Variants in THSD4 observed in about 807,000 individuals in gnomAD.
THSD4 encodes thrombospondin type-1 domain-containing protein 4.
Under a neutral mutation model 119.0 loss-of-function variants are expected in THSD4, and 69 were observed. The ratio of observed to expected loss-of-function variants is 0.58; its 90% CI spans 0.48 to 0.71. The LOEUF is 0.71. THSD4 is among the 30% of genes least tolerant of loss of function. The pLI, the probability that THSD4 is intolerant of heterozygous loss-of-function variation, is 0.00. For missense variants in THSD4, 1,393 were observed against 1,391.1 expected (o/e 1.00, Z -0.02); for synonymous variants, 524 against 540.4 (o/e 0.97, Z 0.42).
chr15:71,367,348 T>A (rs1375177006), intron 6 of THSD4, among the ~76,000 whole-genome samples: 2 of 152,230 alleles, frequency 1.3e-5, no homozygotes, highest in Non-Finnish European at 2.9e-5. Flanking sequence ...AACGTGCAGG[T>A]TTGTTACATA....
chr15:71,172,702 T>TATATATATATATATATGTGAC, intron 3 of THSD4, among the ~76,000 whole-genome samples: 1 of 103,052 alleles, frequency 9.7e-6, no homozygotes, highest in Non-Finnish European at 1.9e-5. Flanking sequence ...TATATATATA[T>TATATATATATATATATGTGAC]ATATATATAT....
intron 8 of THSD4, among the ~76,000 whole-genome samples, chr15:71,724,287 A>ATACATATATATATATT: frequency 2.7e-5 from 1 of 37,288 alleles, no homozygotes; most frequent in Non-Finnish European, 6.1e-5. Context: ...ATATATATAT[A>ATACATATATATATATT]TTTTTTTTTT....
chr15:71,413,436 A>C (rs779754147), intron 7 of THSD4, among the ~76,000 whole-genome samples: 1 of 152,078 alleles, frequency 6.6e-6, no homozygotes, highest in East Asian at 1.9e-4. Context: ...AACCATCCTC[A>C]CTTTATAATC....
At chr15:71,618,424 G>A (rs1034724048) in intron 7 of THSD4, among the ~76,000 whole-genome samples, 1 of 152,152 alleles carries the variant, frequency 6.6e-6, no homozygotes, top group Non-Finnish European at 1.5e-5. Flanking sequence ...ACAGAGCGCA[G>A]AAAGCAAGCT....
At chr15:71,155,823 TAAG>T (rs897358843) in intron 3 of THSD4, among the ~76,000 whole-genome samples, 3 of 152,080 alleles carry the variant, frequency 2.0e-5, no homozygotes, top group African/African-American at 7.2e-5. Flanking sequence ...AACTGGAAGA[TAAG>T]AACCTGGCCT....
At chr15:71,430,774 A>G (rs972631931) in intron 7 of THSD4, among the ~76,000 whole-genome samples, 3 of 146,760 alleles carry the variant, frequency 2.0e-5, no homozygotes, top group Non-Finnish European at 4.5e-5. Context: ...AAAAAAAAAA[A>G]AAAAAAAAAG....
chr15:71,105,161 T>C (rs931766573), intron 1 of THSD4, among the ~76,000 whole-genome samples: 1 of 152,136 alleles, frequency 6.6e-6, no homozygotes, highest in Non-Finnish European at 1.5e-5. Context: ...TTATTTTTAG[T>C]TTTCAGCCTC....
intron 6 of THSD4, among the ~76,000 whole-genome samples, chr15:71,296,830 T>C (rs1434278717): frequency 6.6e-6 from 1 of 152,214 alleles, no homozygotes; most frequent in African/African-American, 2.4e-5. Flanking sequence ...GACCCTGCCA[T>C]TTATTAGCTA....
intron 7 of THSD4, among the ~76,000 whole-genome samples, chr15:71,634,411 TGA>T (rs1310714585): frequency 1.3e-5 from 2 of 152,176 alleles, no homozygotes; most frequent in East Asian, 3.9e-4. Context: ...TATCTGGGAA[TGA>T]GAGTGTCGGA....
intron 7 of THSD4, among the ~76,000 whole-genome samples, chr15:71,422,509 G>T (rs779660076): frequency 6.6e-6 from 1 of 152,188 alleles, no homozygotes; most frequent in Non-Finnish European, 1.5e-5. Flanking sequence ...GGTAGAGACT[G>T]TTGTTGTCTC....
Position 71,680,945 on chromosome 15 carries a change from A to G in THSD4, c.1357+20211A>G, listed in dbSNP as rs2051763485. Among the ~76,000 whole-genome samples the G allele has an allele frequency of 2.1e-5, 3 of 146,242 alleles. No homozygotes were observed. The Admixed American group carries it at 2.1e-4, about 10-fold the overall frequency. On this transcript the variant is annotated intron_variant, in intron 8 of 17. Coordinates refer to ENST00000261862, the MANE Select transcript of THSD4 (RefSeq NM_024817.3). Reference sequence around the variant, plus strand: ...TTTTTTTTTTTTTTTTTGAGATGGAATCTCACTCTGTTGCTCAGGCTGGAG... The same window carrying G: ...TTTTTTTTTTTTTTTTTGAGATGGAGTCTCACTCTGTTGCTCAGGCTGGAG...
intron 6 of THSD4, among the ~76,000 whole-genome samples, chr15:71,403,463 T>C (rs1483314239): frequency 6.6e-6 from 1 of 152,216 alleles, no homozygotes; most frequent in Non-Finnish European, 1.5e-5. Context: ...TATTATCTTT[T>C]CTTTGTCCCA....
At chr15:71,367,460 TG>T (rs1407036666) in intron 6 of THSD4, among the ~76,000 whole-genome samples, 1 of 152,070 alleles carries the variant, frequency 6.6e-6, no homozygotes, top group Non-Finnish European at 1.5e-5. Context: ...CAGGCCCCGG[TG>T]TGTGATGTTC....
chr15:71,364,524 GTAAC>G (rs1381635616), intron 6 of THSD4, among the ~76,000 whole-genome samples: 4 of 152,174 alleles, frequency 2.6e-5, no homozygotes, highest in African/African-American at 4.8e-5. Context: ...CCCTCACAGA[GTAAC>G]TAAAGAAAAA....
intron 7 of THSD4, among the ~76,000 whole-genome samples, chr15:71,433,787 C>T (rs2046971634): frequency 6.6e-6 from 1 of 152,098 alleles, no homozygotes; most frequent in South Asian, 2.1e-4. Flanking sequence ...TTAGGCTGGG[C>T]CCTGCCCTGT....
chr15:71,580,546 A>G (rs1366136361), intron 7 of THSD4, among the ~76,000 whole-genome samples: 1 of 152,158 alleles, frequency 6.6e-6, no homozygotes, highest in Non-Finnish European at 1.5e-5. Context: ...ATCATTAACT[A>G]TAGTCACCAT....
chr15:71,146,367 C>A (rs999621107), intron 2 of THSD4, among the ~76,000 whole-genome samples: 3 of 151,614 alleles, frequency 2.0e-5, no homozygotes, highest in African/African-American at 7.3e-5. Flanking sequence ...GTCTGAGTAC[C>A]AGAATGATTC....
chr15:71,440,802 C>T (rs2140554958), intron 7 of THSD4, among the ~76,000 whole-genome samples: 1 of 152,260 alleles, frequency 6.6e-6, no homozygotes, highest in South Asian at 2.1e-4. Flanking sequence ...GAAGTGGAGT[C>T]ATTGGGGCAA....
intron 6 of THSD4, among the ~76,000 whole-genome samples, chr15:71,273,612 A>G (rs977562336): frequency 6.6e-6 from 1 of 152,350 alleles, no homozygotes; most frequent in East Asian, 1.9e-4. Context: ...TTATTCCACA[A>G]TGTATACACG....
Sources: gnomAD v4.1 joint callset for allele counts (sites outside exome capture counted in the v4.1 genomes callset) on GRCh38, gnomAD v4.1.1 for gene constraint, MANE v1.5 for transcripts, NCBI Gene and HGNC (gene_info 2026-07-23, HGNC 2026-07-21) for gene names.